Variants in ADAM22 observed in about 807,000 individuals in gnomAD.
ADAM22 encodes disintegrin and metalloproteinase domain-containing protein 22.
A neutral mutation model predicts 144.6 loss-of-function variants in ADAM22; 65 were observed. The ratio of observed to expected loss-of-function variants is 0.45; its 90% CI spans 0.37 to 0.55. ADAM22 has a LOEUF of 0.55. Among genes scored for constraint, ADAM22 ranks in the 20% least tolerant of loss-of-function variants. ADAM22 has a pLI of 0.00. For missense variants in ADAM22, 974 were observed against 1,184.9 expected (o/e 0.82, Z 2.61); for synonymous variants, 391 against 412.6 (o/e 0.95, Z 0.63).
At chr7:88,140,434 A>G (rs753327066) in intron 14 of ADAM22, among the ~76,000 whole-genome samples, 1 of 152,190 alleles carries the variant, frequency 6.6e-6, no homozygotes, top group Non-Finnish European at 1.5e-5. Flanking sequence ...GTTGAACCAG[A>G]TTGGTCTGAT....
At chr7:88,150,057 C>T (rs955714058) in intron 18 of ADAM22, among the ~76,000 whole-genome samples, 1 of 152,152 alleles carries the variant, frequency 6.6e-6, no homozygotes, top group Non-Finnish European at 1.5e-5. Context: ...TTCTTGCTGG[C>T]GTTACCCCCT....
chr7:87,970,694 A>G (rs555372719), intron 2 of ADAM22, among the ~76,000 whole-genome samples: 1 of 152,292 alleles, frequency 6.6e-6, no homozygotes, highest in Non-Finnish European at 1.5e-5. Context: ...GGAGAAGAGG[A>G]CAGGCTGCCA....
chr7:88,150,093 C>A (rs919361482), intron 18 of ADAM22, among the ~76,000 whole-genome samples: 3 of 152,166 alleles, frequency 2.0e-5, no homozygotes, highest in Non-Finnish European at 4.4e-5. Flanking sequence ...CTATATGTCA[C>A]AATCACCTTA....
chr7:87,988,337 G>A (rs1221712265), intron 3 of ADAM22, among the ~76,000 whole-genome samples: 1 of 152,128 alleles, frequency 6.6e-6, no homozygotes, highest in Non-Finnish European at 1.5e-5. Context: ...CTATAGCTAG[G>A]TACTAATATA....
At chr7:88,169,311 T>G (rs546194726) in intron 25 of ADAM22, among the ~76,000 whole-genome samples, 1 of 152,234 alleles carries the variant, frequency 6.6e-6, no homozygotes, top group East Asian at 1.9e-4. Context: ...GGCAAAACAT[T>G]ACAGTTTGAC....
At chr7:88,070,074 C>A (rs1342775545) in intron 3 of ADAM22, among the ~76,000 whole-genome samples, 2 of 152,070 alleles carry the variant, frequency 1.3e-5, no homozygotes, top group Non-Finnish European at 2.9e-5. Context: ...AGAGTTTGAA[C>A]TGACTGTCCA....
At chr7:88,030,835 G>A (rs1014904682) in intron 3 of ADAM22, among the ~76,000 whole-genome samples, 24 of 152,118 alleles carry the variant, frequency 1.6e-4, no homozygotes, top group Non-Finnish European at 2.8e-4. Flanking sequence ...TTCTTCTCTC[G>A]GCCGGGCACG....
Position 88,199,945 on chromosome 7 carries a change from T to G in ADAM22, c.*3454T>G, listed in dbSNP as rs1163929514. 6.6e-6 allele frequency: 1 copy of G among 152,224 alleles called. No individual in the cohort carries two copies. The highest frequency in any genetic ancestry group is 1.5e-5 in the Non-Finnish European group (1 of 68,032). The allele number at this position is 152,224 out of a possible 1,614,324, so 9.4% of individuals were successfully genotyped here. A position where few individuals can be genotyped will look rare whatever the true frequency, so the allele number is the denominator to read the frequency against. On this transcript the variant is annotated 3_prime_UTR_variant, in exon 32 of 32. Transcript: ENST00000413139. ...TTGTCAGAAAGACAAAATTGGATAT[T>G]CTCTGCACTTTCAGAGAAGGACTAT...
chr7:88,044,199 T>C (rs74623782), intron 3 of ADAM22, among the ~76,000 whole-genome samples: 5,147 of 152,284 alleles, frequency 0.034, 294 homozygotes, highest in African/African-American at 0.12. Flanking sequence ...GCTAAGCTAT[T>C]GATAATTCAA....
At chr7:87,935,438 C>G (rs1841015167) in intron 2 of ADAM22, among the ~76,000 whole-genome samples, 1 of 152,178 alleles carries the variant, frequency 6.6e-6, no homozygotes, top group Admixed American at 6.5e-5. Flanking sequence ...GTGCGGTGAG[C>G]TGAGAGAACA....
In ADAM22 at chr7:88,201,339, T is replaced by A. The variant is rs548047537; in HGVS notation, c.*4848T>A. The A allele has an allele frequency of 6.6e-6, 1 of 152,238 alleles. No individual in the cohort carries two copies. The highest frequency in any genetic ancestry group is 6.5e-5 in the Admixed American group (1 of 15,288). The allele number at this position is 152,238 out of a possible 1,614,324, so 9.4% of individuals were successfully genotyped here. On this transcript the variant is annotated 3_prime_UTR_variant, in exon 32 of 32. Transcript: ENST00000413139. ...ACTTAGGAAGTCACTGGGAGATGAG[T>A]CCTAAAAGCCTGAATTTCAGGATGG...
intron 4 of ADAM22, among the ~76,000 whole-genome samples, chr7:88,079,113 A>T (rs375044251): frequency 6.6e-6 from 1 of 152,222 alleles, no homozygotes; most frequent in South Asian, 2.1e-4. Context: ...CGGGTTACCC[A>T]CAAAGGGAAG....
At chr7:88,177,849 GA>G (rs376083861) in intron 26 of ADAM22, among the ~76,000 whole-genome samples, 8 of 152,114 alleles carry the variant, frequency 5.3e-5, no homozygotes, top group African/African-American at 1.9e-4. Flanking sequence ...AACCAAATAA[GA>G]AAAAGAAAAG....
intron 3 of ADAM22, among the ~76,000 whole-genome samples, chr7:88,028,967 A>G (rs553190997): frequency 2.0e-5 from 3 of 152,102 alleles, no homozygotes; most frequent in South Asian, 2.1e-4. Flanking sequence ...AAGCCACTCA[A>G]TGCCATTTTA....
intron 3 of ADAM22, among the ~76,000 whole-genome samples, chr7:88,057,127 CTTT>C (rs75042550): frequency 1.4e-5 from 2 of 148,140 alleles, no homozygotes; most frequent in African/African-American, 4.9e-5. Flanking sequence ...ATTATTGAAT[CTTT>C]TTTTTTTTTT....
intron 3 of ADAM22, among the ~76,000 whole-genome samples, chr7:88,048,571 A>G (rs755625222): frequency 3.9e-5 from 6 of 152,134 alleles, no homozygotes; most frequent in Non-Finnish European, 7.4e-5. Flanking sequence ...AAGATTGAAC[A>G]TATGTTTTGA....
At chr7:88,155,067 G>C (rs987163178) in intron 21 of ADAM22, among the ~76,000 whole-genome samples, 5 of 152,124 alleles carry the variant, frequency 3.3e-5, no homozygotes, top group Non-Finnish European at 7.4e-5. Flanking sequence ...AATAGTTGGG[G>C]AAGTACTGAA....
intron 2 of ADAM22, among the ~76,000 whole-genome samples, chr7:87,960,014 A>G (rs1268832489): frequency 6.6e-6 from 1 of 152,036 alleles, no homozygotes; most frequent in Non-Finnish European, 1.5e-5. Flanking sequence ...AGTAGTTGTG[A>G]TCTTAAAATT....
intron 4 of ADAM22, among the ~76,000 whole-genome samples, chr7:88,081,327 G>A (rs936518592): frequency 6.6e-6 from 1 of 152,050 alleles, no homozygotes; most frequent in African/African-American, 2.4e-5. Flanking sequence ...ATTAGGTATT[G>A]ATGGGACGTA....
Sources: allele counts gnomAD v4.1 joint callset (sites outside exome capture counted in the v4.1 genomes callset), GRCh38; gene constraint gnomAD v4.1.1; transcripts MANE v1.5; gene names NCBI Gene and HGNC (gene_info 2026-07-23, HGNC 2026-07-21).